DZIP1L: variants seen among roughly 807,000 people sequenced by gnomAD.
The protein encoded by DZIP1L is cilium assembly protein DZIP1L.
DZIP1L carries 90 observed loss-of-function variants against 88.7 expected under a neutral mutation model. The ratio of observed to expected loss-of-function variants is 1.02; its 90% confidence interval spans 0.86 to 1.21. The LOEUF (loss-of-function observed/expected upper bound fraction) is 1.21. Ranked by LOEUF, DZIP1L falls within the 50% of genes most tolerant of loss-of-function variation. The pLI is 0.00. For synonymous variants in DZIP1L, 363 were observed against 372.1 expected (o/e 0.98, Z 0.28); for missense variants, 932 against 955.8 (o/e 0.98, Z 0.33).
At chr3:138,064,816 A>T in intron 14 of DZIP1L, 49 bp from the exon 15 acceptor site, 1 of 1,534,012 alleles carries the variant, frequency 6.5e-7, no homozygotes. Context: ...CTAGAAAATG[A>T]ACATCTCAGT....
chr3:138,068,117 C>A, intron 13 of DZIP1L, 34 bp downstream of exon 13: 1 of 1,451,842 alleles, frequency 6.9e-7, no homozygotes. Flanking sequence ...GCCACCACTG[C>A]AGGTGGGGTG....
chr3:138,067,031 C>T (rs1372498472), intron 14 of DZIP1L, among the ~76,000 whole-genome samples: 1 of 152,184 alleles, frequency 6.6e-6, no homozygotes, highest in Non-Finnish European at 1.5e-5. Flanking sequence ...AAACCCAGCC[C>T]TGCACACAAG....
chr3:138,077,023 C>G (rs930607674), intron 11 of DZIP1L, among the ~76,000 whole-genome samples: 4 of 144,444 alleles, frequency 2.8e-5, no homozygotes, highest in Admixed American at 2.1e-4. Flanking sequence ...TATTACTTCT[C>G]AAAAAAAAAA....
chr3:138,073,978 A>C (rs1423729487), intron 11 of DZIP1L, among the ~76,000 whole-genome samples: 1 of 152,126 alleles, frequency 6.6e-6, no homozygotes, highest in Non-Finnish European at 1.5e-5. Flanking sequence ...GCTCAAAGAC[A>C]AGGCTTTCGA....
intron 1 of DZIP1L, among the ~76,000 whole-genome samples, chr3:138,106,129 T>A: frequency 2.1e-5 from 1 of 46,600 alleles, no homozygotes; most frequent in South Asian, 7.0e-4. Context: ...TCTTCTTTCT[T>A]TTTTTTTTTT....
chr3:138,083,579 C>T (rs778076065), intron 8 of DZIP1L, among the ~76,000 whole-genome samples: 2 of 152,220 alleles, frequency 1.3e-5, no homozygotes, highest in Non-Finnish European at 2.9e-5. Flanking sequence ...CTTTATCTCT[C>T]ACCTCATCAG....
chr3:138,089,068 T>C (rs1183672059), intron 5 of DZIP1L: 2 of 985,326 alleles, frequency 2.0e-6, no homozygotes, highest in South Asian at 9.4e-5. Context: ...CCACCTTTGA[T>C]TATTTCTTAT....
At chr3:138,101,781 CA>C (rs1193186357) in intron 2 of DZIP1L, 95 of 1,124,208 alleles carry the variant, frequency 8.5e-5, no homozygotes, top group Middle Eastern at 6.9e-4. Context: ...TCTTGATGTC[CA>C]GGGCCAGCTT....
At chr3:138,068,502 T>C in intron 12 of DZIP1L, 135 bp from the exon 13 acceptor site, 1 of 611,632 alleles carries the variant, frequency 1.6e-6, no homozygotes, top group Non-Finnish European at 2.5e-6. Context: ...CCACAGCAGA[T>C]TTCATGACTG....
chr3:138,076,007 T>C (rs1275900796), intron 11 of DZIP1L, among the ~76,000 whole-genome samples: 2 of 151,938 alleles, frequency 1.3e-5, no homozygotes, highest in Non-Finnish European at 2.9e-5. Context: ...TCACACCTCA[T>C]GGAACTGGAG....
intron 10 of DZIP1L, 133 bp from the exon 11 acceptor site, chr3:138,077,765 T>G: frequency 7.6e-7 from 1 of 1,322,506 alleles, no homozygotes; most frequent in Non-Finnish European, 1.0e-6. Context: ...AGATTGCACT[T>G]GAGCCCTTAA....
In DZIP1L at chr3:138,115,594, G is replaced by C. The variant is rs1164478904; in HGVS notation, c.-348C>G. On this transcript the variant is annotated 5_prime_UTR_variant, in exon 1 of 16. Transcript: ENST00000327532. ...GGACAGAGAGCTCCTCGGTGCGTCG[G>C]TCAGCTCGTGGCTTGGGGTCTCTGG... 1 of 152,088 alleles carries C rather than the reference G, an allele frequency of 6.6e-6. No homozygotes were observed. Among genetic ancestry groups the C allele is most frequent in the South Asian group, 2.1e-4 (1 of 4,816 alleles). 9.4% of individuals were successfully genotyped at this position (152,088 alleles called of 1,614,324 possible).
chr3:138,089,001 G>A, intron 5 of DZIP1L: 1 of 985,496 alleles, frequency 1.0e-6, no homozygotes, highest in Non-Finnish European at 1.2e-6. Flanking sequence ...CTAGCAGTGT[G>A]TGTGACCTGA....
rs1440981729 is a variant in DZIP1L, at chr3:138,102,005, C to G, written c.501+1466G>C. The G allele has an allele frequency of 4.0e-6, 6 of 1,511,706 alleles. No individual in the cohort carries two copies. The African/African-American group carries it at 5.5e-5, about 14-fold the overall frequency. 93.6% of individuals were successfully genotyped at this position (1,511,706 alleles called of 1,614,324 possible). A position where few individuals can be genotyped will look rare whatever the true frequency, so the allele number is the denominator to read the frequency against. On this transcript the variant is annotated intron_variant, in intron 2 of 15. Transcript: ENST00000327532. ...TCTGGTTCATCTCAGAGATCTCAGT[C>G]TTTGTATGCTGCAGGTCATCTCCAT... is the stretch of plus-strand genomic sequence containing the variant.
chr3:138,090,860 T>C (rs1389646807), intron 5 of DZIP1L, among the ~76,000 whole-genome samples: 1 of 152,056 alleles, frequency 6.6e-6, no homozygotes, highest in Non-Finnish European at 1.5e-5. Context: ...TGCAGGTTTA[T>C]ATGGGAAGAT....
intron 10 of DZIP1L, among the ~76,000 whole-genome samples, chr3:138,079,358 G>A (rs1399396735): frequency 5.9e-5 from 9 of 152,214 alleles, no homozygotes; most frequent in African/African-American, 2.2e-4. Context: ...AAATGCACTG[G>A]GAGGGTAGGC....
intron 11 of DZIP1L, 88 bp downstream of exon 11, chr3:138,077,411 A>C (rs1372538467): frequency 3.8e-6 from 6 of 1,564,976 alleles, no homozygotes; most frequent in Non-Finnish European, 5.2e-6. Context: ...CTCACAATGC[A>C]AAGAACAATC....
At chr3:138,107,927 C>G (rs963145032) in intron 1 of DZIP1L, among the ~76,000 whole-genome samples, 1 of 152,128 alleles carries the variant, frequency 6.6e-6, no homozygotes, top group African/African-American at 2.4e-5. Flanking sequence ...CCTTCCCTTT[C>G]TCAGATACTC....
intron 4 of DZIP1L, 111 bp from the exon 5 acceptor site, chr3:138,092,655 G>T: frequency 9.1e-7 from 1 of 1,093,006 alleles, no homozygotes; most frequent in Non-Finnish European, 1.2e-6. Flanking sequence ...GAGACCCAAA[G>T]AGCATTCATC....
Sources: gnomAD v4.1 joint callset for allele counts (sites outside exome capture counted in the v4.1 genomes callset) on GRCh38, gnomAD v4.1.1 for gene constraint, MANE v1.5 for transcripts, NCBI Gene and HGNC (gene_info 2026-07-23, HGNC 2026-07-21) for gene names.